The following LUZP2 variants were observed in gnomAD, a reference collection of about 807,000 sequenced individuals.
The protein encoded by LUZP2 is leucine zipper protein 2.
LUZP2 carries 52 observed loss-of-function variants against 51.6 expected under a neutral mutation model. The ratio of observed to expected loss-of-function variants is 1.01; its 90% CI spans 0.81 to 1.27. LUZP2 has a LOEUF of 1.27. Ranked by LOEUF, LUZP2 falls within the 50% of genes most tolerant of loss-of-function variation. LUZP2 has a pLI of 0.00. For missense variants in LUZP2, 436 were observed against 395.4 expected (o/e 1.10, Z -0.87); for synonymous variants, 154 against 137.3 (o/e 1.12, Z -0.85).
At chr11:24,867,396 G>T (rs150596918) in intron 5 of LUZP2, among the ~76,000 whole-genome samples, 3 of 152,242 alleles carry the variant, frequency 2.0e-5, no homozygotes, top group African/African-American at 7.2e-5. Flanking sequence ...TGCCTCTGAA[G>T]TTGCTTCTCT....
At chr11:24,617,513 A>G (rs1854328853) in intron 1 of LUZP2, among the ~76,000 whole-genome samples, 1 of 152,116 alleles carries the variant, frequency 6.6e-6, no homozygotes, top group Non-Finnish European at 1.5e-5. Context: ...TACGATAGTG[A>G]TTTGGTATTA....
intron 1 of LUZP2, among the ~76,000 whole-genome samples, chr11:24,528,129 A>T (rs551927918): frequency 6.6e-6 from 1 of 151,458 alleles, no homozygotes; most frequent in African/African-American, 2.4e-5. Context: ...AATTTCATGG[A>T]TAATTGAAAA....
chr11:24,580,559 T>G (rs2133820367), intron 1 of LUZP2, among the ~76,000 whole-genome samples: 1 of 152,274 alleles, frequency 6.6e-6, no homozygotes, highest in Middle Eastern at 3.4e-3. Context: ...GCAATTAAAC[T>G]TTTGGAGTCT....
chr11:24,938,888 G>A (rs575200220), intron 7 of LUZP2, among the ~76,000 whole-genome samples: 49 of 152,192 alleles, frequency 3.2e-4, no homozygotes, highest in African/African-American at 1.2e-3. Context: ...ACACGTGTAG[G>A]AAAGCACCTG....
At chr11:24,631,820 T>C (rs1854901434) in intron 1 of LUZP2, among the ~76,000 whole-genome samples, 1 of 151,994 alleles carries the variant, frequency 6.6e-6, no homozygotes, top group South Asian at 2.1e-4. Context: ...AGTCCTGGCT[T>C]TTCTTTTTTG....
chr11:24,973,074 T>TTA (rs1463503662), intron 7 of LUZP2, among the ~76,000 whole-genome samples: 28 of 149,622 alleles, frequency 1.9e-4, no homozygotes, highest in Admixed American at 1.5e-3. Flanking sequence ...TTTTTTTTTT[T>TTA]AAATTTTTGG....
intron 1 of LUZP2, among the ~76,000 whole-genome samples, chr11:24,714,339 T>C (rs955658795): frequency 1.3e-5 from 2 of 152,028 alleles, no homozygotes; most frequent in Admixed American, 6.6e-5. Context: ...AAAGAAAATA[T>C]GCTTTTCTTT....
At chr11:24,986,612 A>T (rs1856196154) in intron 9 of LUZP2, among the ~76,000 whole-genome samples, 1 of 151,412 alleles carries the variant, frequency 6.6e-6, no homozygotes, top group South Asian at 2.1e-4. Context: ...TAATATACAA[A>T]AAAAGTGACT....
At chr11:24,703,111 A>G (rs1404218977) in intron 1 of LUZP2, among the ~76,000 whole-genome samples, 5 of 152,188 alleles carry the variant, frequency 3.3e-5, no homozygotes, top group African/African-American at 9.7e-5. Context: ...GTGGCAGTGA[A>G]AAGACAAAAT....
At position 24,963,601 on chromosome 11, in the gene LUZP2, T is replaced by G. The variant is rs1445733679; in HGVS notation, c.523-12990T>G. Among the ~76,000 whole-genome samples the G allele has an allele frequency of 2.5e-4, 16 of 64,654 alleles. No homozygotes were observed. In the East Asian group the frequency reaches 0.032, roughly 128 times the overall value. 42.4% of individuals were successfully genotyped at this position (64,654 alleles called of 152,430 possible). A position where few individuals can be genotyped will look rare whatever the true frequency, so the allele number is the denominator to read the frequency against. On this transcript the variant is annotated intron_variant, in intron 7 of 11. Coordinates refer to ENST00000336930, the MANE Select transcript of LUZP2 (RefSeq NM_001009909.4). ...GGGATATAATCTCCTGGTGCGCCGT[T>G]TTTTAAGCCCGTCAGAAAGGCGCAG...
At chr11:24,549,086 T>G (rs79149108) in intron 1 of LUZP2, among the ~76,000 whole-genome samples, 2,239 of 152,172 alleles carry the variant, frequency 0.015, 41 homozygotes, top group South Asian at 0.06. Flanking sequence ...TTAATTTTAA[T>G]TTTTTGATTC....
At chr11:24,693,427 A>C (rs911453183) in intron 1 of LUZP2, among the ~76,000 whole-genome samples, 1 of 151,754 alleles carries the variant, frequency 6.6e-6, no homozygotes, top group Non-Finnish European at 1.5e-5. Context: ...TATATGATTT[A>C]AGAGATTGAG....
At chr11:25,065,572 G>C (rs887058251) in intron 10 of LUZP2, among the ~76,000 whole-genome samples, 3 of 151,924 alleles carry the variant, frequency 2.0e-5, no homozygotes, top group Non-Finnish European at 4.4e-5. Context: ...CATAGATTCC[G>C]TCACCCACGG....
At chr11:24,664,514 A>T (rs1352961465) in intron 1 of LUZP2, among the ~76,000 whole-genome samples, 2 of 152,110 alleles carry the variant, frequency 1.3e-5, no homozygotes, top group Admixed American at 6.5e-5. Flanking sequence ...GGCATGTCAG[A>T]GACCTTCATG....
chr11:24,794,261 T>C (rs142530837), intron 5 of LUZP2, among the ~76,000 whole-genome samples: 1,837 of 152,220 alleles, frequency 0.012, 18 homozygotes, highest in Admixed American at 0.019. Context: ...ACTCCACATA[T>C]TCTACTGATA....
In LUZP2 at chr11:25,002,690, G is replaced by A. The variant is rs191418737; in HGVS notation, c.765+19397G>A. On this transcript the variant is annotated intron_variant, in intron 9 of 11. Coordinates refer to ENST00000336930, the MANE Select transcript of LUZP2 (RefSeq NM_001009909.4). ...CTTACTTAGGTATGTCACTGGTTGT[G>A]GGGTTGTCCCACGAGTATGAGTAAG... 1.1e-4 allele frequency among the ~76,000 whole-genome samples: 17 copies of A among 152,250 alleles called. No individual in the cohort carries two copies. The South Asian group carries it at 2.3e-3, about 20-fold the overall frequency.
intron 5 of LUZP2, among the ~76,000 whole-genome samples, chr11:24,868,691 A>G (rs999125136): frequency 2.0e-5 from 3 of 152,152 alleles, no homozygotes; most frequent in Non-Finnish European, 1.5e-5. Flanking sequence ...TTTGGGCCAC[A>G]TGTAGCAATT....
intron 1 of LUZP2, among the ~76,000 whole-genome samples, chr11:24,602,014 A>ATG (rs1853682100): frequency 7.8e-6 from 1 of 128,714 alleles, no homozygotes; most frequent in Non-Finnish European, 1.7e-5. Flanking sequence ...ATATGTATAT[A>ATG]TGTATATATG....
intron 10 of LUZP2, among the ~76,000 whole-genome samples, chr11:25,054,192 A>C (rs1009304078): frequency 8.5e-5 from 13 of 152,202 alleles, no homozygotes; most frequent in Non-Finnish European, 1.5e-5. Context: ...GATACATCTA[A>C]GAAAAATTAT....
Sources: allele counts gnomAD v4.1 joint callset (sites outside exome capture counted in the v4.1 genomes callset), GRCh38; gene constraint gnomAD v4.1.1; transcripts MANE v1.5; gene names NCBI Gene and HGNC (gene_info 2026-07-23, HGNC 2026-07-21).